Variants in GABRB2 observed in about 807,000 individuals in gnomAD.
GABRB2 encodes gamma-aminobutyric acid receptor subunit beta-2.
Under a neutral mutation model 54.7 loss-of-function variants are expected in GABRB2, and 16 were observed. The ratio of observed to expected loss-of-function variants is 0.29; its 90% CI spans 0.20 to 0.44. The LOEUF is 0.44. Ranked by LOEUF, GABRB2 falls within the 20% of genes least tolerant of loss-of-function variation. The pLI is 1.00. For missense variants in GABRB2, 355 were observed against 644.0 expected (o/e 0.55, Z 4.86); for synonymous variants, 244 against 233.8 (o/e 1.04, Z -0.40).
chr5:161,504,461 C>T lies in GABRB2; in HGVS notation c.237+40766G>A, dbSNP rs544956168. On this transcript the variant is annotated intron_variant, in intron 3 of 9. Coordinates refer to ENST00000393959, the MANE Select transcript of GABRB2 (RefSeq NM_001371727.1). ...TAAAATACTTTTAAAAAATTCACGGCTTTTGTAATAAATCACAAGAGATAC... is the reference window on the plus strand; with the variant it reads ...TAAAATACTTTTAAAAAATTCACGGTTTTTGTAATAAATCACAAGAGATAC... Among the ~76,000 whole-genome samples the T allele has an allele frequency of 2.0e-5, 3 of 152,154 alleles. No individual in the cohort carries two copies. The East Asian group carries it at 5.8e-4, about 29-fold the overall frequency.
At chr5:161,383,526 C>G (rs1755533690) in intron 5 of GABRB2, among the ~76,000 whole-genome samples, 1 of 152,094 alleles carries the variant, frequency 6.6e-6, no homozygotes, top group Non-Finnish European at 1.5e-5. Flanking sequence ...TACAGTAGCC[C>G]TTCACCACTT....
intron 4 of GABRB2, among the ~76,000 whole-genome samples, chr5:161,431,699 T>C (rs902985691): frequency 7.9e-5 from 12 of 152,212 alleles, no homozygotes; most frequent in African/African-American, 2.9e-4. Context: ...AAACTGTTTG[T>C]TCTTTAAAGA....
At chr5:161,423,636 C>T (rs758494369) in intron 4 of GABRB2, among the ~76,000 whole-genome samples, 1 of 152,130 alleles carries the variant, frequency 6.6e-6, no homozygotes, top group Non-Finnish European at 1.5e-5. Context: ...ACCTATCTCT[C>T]TCTCTCTCCT....
intron 5 of GABRB2, among the ~76,000 whole-genome samples, chr5:161,396,490 T>C (rs1376241007): frequency 6.6e-6 from 1 of 152,244 alleles, no homozygotes; most frequent in African/African-American, 2.4e-5. Flanking sequence ...TTGTTAATAA[T>C]GAATCCCTTC....
intron 8 of GABRB2, chr5:161,329,477 A>G (rs1007450159): frequency 6.6e-6 from 1 of 152,188 alleles, no homozygotes; most frequent in South Asian, 2.1e-4. Context: ...TGCAAATATC[A>G]TCTTCTAAGC....
rs1187103181 is a variant in GABRB2, at chr5:161,444,310, T to C, written c.458+15314A>G. ...AAAAGTTACATACATTTTAGTCATA[T>C]AACATTTGATTATCATGAATAAAAG... On this transcript the variant is annotated intron_variant, in intron 4 of 9. Transcript: ENST00000393959. 3.9e-5 allele frequency among the ~76,000 whole-genome samples: 6 copies of C among 152,186 alleles called. No individual in the cohort carries two copies. In the South Asian group the frequency reaches 6.2e-4, roughly 16 times the overall value.
At chr5:161,324,494 C>G (rs1054009104) in intron 9 of GABRB2, among the ~76,000 whole-genome samples, 1 of 152,030 alleles carries the variant, frequency 6.6e-6, no homozygotes, top group Non-Finnish European at 1.5e-5. Flanking sequence ...TTGTATAAGA[C>G]AGAAATTAGT....
Position 161,396,111 on chromosome 5 carries a change from G to A in GABRB2, c.541+14864C>T, listed in dbSNP as rs114089828. ...CATATTGTGCTTCAGAAATTGTTCC[G>A]ATACTTTGGGCTCTTATAGCTGCAC... is the stretch of plus-strand genomic sequence containing the variant. On this transcript the variant is annotated intron_variant, in intron 5 of 9. Coordinates refer to ENST00000393959, the MANE Select transcript of GABRB2 (RefSeq NM_001371727.1). 7.7e-3 allele frequency among the ~76,000 whole-genome samples: 1,168 copies of A among 152,150 alleles called. 25 individuals are homozygous for A. The highest frequency in any genetic ancestry group is 0.027 in the African/African-American group (1,103 of 41,520).
intron 5 of GABRB2, among the ~76,000 whole-genome samples, chr5:161,382,350 G>C (rs769564927): frequency 6.6e-6 from 1 of 152,124 alleles, no homozygotes; most frequent in African/African-American, 2.4e-5. Context: ...TCAGACTGAG[G>C]GGGTACAGAA....
At chr5:161,356,324 C>T (rs1754626284) in intron 5 of GABRB2, among the ~76,000 whole-genome samples, 1 of 152,248 alleles carries the variant, frequency 6.6e-6, no homozygotes, top group South Asian at 2.1e-4. Flanking sequence ...AATCTGCCTT[C>T]TGTCTTTGTA....
At chr5:161,483,604 G>T (rs1373442444) in intron 3 of GABRB2, among the ~76,000 whole-genome samples, 2 of 151,888 alleles carry the variant, frequency 1.3e-5, no homozygotes, top group Non-Finnish European at 2.9e-5. Context: ...CCTGGATTCA[G>T]CATTCTGGTT....
chr5:161,533,761 T>C (rs1157188183), intron 3 of GABRB2, among the ~76,000 whole-genome samples: 1 of 152,260 alleles, frequency 6.6e-6, no homozygotes, highest in Non-Finnish European at 1.5e-5. Context: ...TCATAGAACA[T>C]GGAAAAACAC....
chr5:161,540,854 A>ATTG, intron 3 of GABRB2, among the ~76,000 whole-genome samples: 1 of 151,806 alleles, frequency 6.6e-6, no homozygotes, highest in East Asian at 1.9e-4. Context: ...TATTATTATT[A>ATTG]TTATTATTTT....
chr5:161,337,458 C>G (rs1263887484), intron 5 of GABRB2, among the ~76,000 whole-genome samples: 2 of 152,078 alleles, frequency 1.3e-5, no homozygotes, highest in East Asian at 3.9e-4. Flanking sequence ...GATATAAATG[C>G]ATAGTGTACA....
At chr5:161,516,146 C>T (rs1459996299) in intron 3 of GABRB2, among the ~76,000 whole-genome samples, 5 of 152,166 alleles carry the variant, frequency 3.3e-5, no homozygotes, top group Non-Finnish European at 7.4e-5. Flanking sequence ...ACTAGCAAGT[C>T]TGCATATAGT....
intron 5 of GABRB2, among the ~76,000 whole-genome samples, chr5:161,385,722 G>A (rs1047866805): frequency 6.6e-6 from 1 of 152,094 alleles, no homozygotes; most frequent in Non-Finnish European, 1.5e-5. Flanking sequence ...CTGTAGTGGT[G>A]CTTATACTTG....
At chr5:161,497,728 A>G (rs1021877836) in intron 3 of GABRB2, among the ~76,000 whole-genome samples, 39 of 152,124 alleles carry the variant, frequency 2.6e-4, no homozygotes, top group African/African-American at 9.4e-4. Context: ...GCCCTCTAGA[A>G]CATTACACAA....
intron 5 of GABRB2, among the ~76,000 whole-genome samples, chr5:161,403,022 A>C (rs1240446776): frequency 2.6e-5 from 4 of 152,178 alleles, no homozygotes; most frequent in Admixed American, 1.3e-4. Context: ...GAGAATTTCC[A>C]AACTCAGTCA....
chr5:161,426,393 G>A (rs756380148), intron 4 of GABRB2, among the ~76,000 whole-genome samples: 10 of 151,986 alleles, frequency 6.6e-5, no homozygotes, highest in Non-Finnish European at 1.3e-4. Context: ...ACTGGGGGAG[G>A]GTGGTACATG....
Sources: gnomAD v4.1 joint callset for allele counts (sites outside exome capture counted in the v4.1 genomes callset) on GRCh38, gnomAD v4.1.1 for gene constraint, MANE v1.5 for transcripts, NCBI Gene and HGNC (gene_info 2026-07-23, HGNC 2026-07-21) for gene names.